SASH1: variants seen among roughly 807,000 people sequenced by gnomAD.
SASH1 encodes the protein SAM and SH3 domain-containing protein 1.
A neutral mutation model predicts 125.2 loss-of-function variants in SASH1; 44 were observed. The ratio of observed to expected loss-of-function variants is 0.35; its 90% confidence interval spans 0.28 to 0.45. The LOEUF is 0.45. SASH1 is among the 20% of genes least tolerant of loss of function. The probability of loss-of-function intolerance (pLI) is 1.00; values close to 1 mark genes in which losing one functional copy is unlikely to be tolerated. For missense variants in SASH1, 1,426 were observed against 1,614.5 expected (o/e 0.88, Z 2.00); for synonymous variants, 639 against 649.1 (o/e 0.98, Z 0.24).
chr6:148,375,067 T>G (rs1782839696), intron 1 of SASH1, among the ~76,000 whole-genome samples: 1 of 151,400 alleles, frequency 6.6e-6, no homozygotes, highest in South Asian at 2.1e-4. Flanking sequence ...GATAGCTCAC[T>G]GCAGCCTCAA....
Position 148,390,112 on chromosome 6 carries a change from CTTTG to C in SASH1, c.157-16_157-13del. 5 of 1,611,456 alleles carry C rather than the reference CTTTG, an allele frequency of 3.1e-6. No homozygotes were observed. Among genetic ancestry groups the C allele is most frequent in the East Asian group, 2.2e-5 (1 of 44,750 alleles). Reference sequence around the variant, plus strand: ...TTCCAGGGTGGACTGACCTGACCGCCTTTGTTTGTCCACCCCTTCAGGACGGTTC... The same window carrying C: ...TTCCAGGGTGGACTGACCTGACCGCCTTTGTCCACCCCTTCAGGACGGTTC... On this transcript the variant is annotated intron_variant, in intron 1 of 19. Transcript: ENST00000367467.
intron 1 of SASH1, among the ~76,000 whole-genome samples, chr6:148,305,641 A>G (rs181274160): frequency 2.4e-3 from 318 of 133,158 alleles, no homozygotes; most frequent in African/African-American, 4.9e-3. Context: ...AAAAAAAAAA[A>G]AAAGAAAGAA....
At chr6:148,294,157 T>G (rs897799899) in intron 1 of SASH1, among the ~76,000 whole-genome samples, 1 of 152,182 alleles carries the variant, frequency 6.6e-6, no homozygotes, top group African/African-American at 2.4e-5. Context: ...TAAAGAGGCG[T>G]GCTTGGATTT....
At chr6:148,430,005 C>A (rs1323596919) in intron 2 of SASH1, among the ~76,000 whole-genome samples, 1 of 152,198 alleles carries the variant, frequency 6.6e-6, no homozygotes, top group Non-Finnish European at 1.5e-5. Context: ...CCCATAGGTA[C>A]ATTTAATGAA....
At position 148,438,067 on chromosome 6, in the gene SASH1, G is replaced by A. The variant is rs555490133; in HGVS notation, c.286-2117G>A. On this transcript the variant is annotated intron_variant, in intron 2 of 19. Transcript: ENST00000367467. ...AAAAGGTAAAAATGGAGGAGGGGAG[G>A]TGAATTGAACCAGTCACTTTTGCTG... is the stretch of plus-strand genomic sequence containing the variant. 5.3e-5 allele frequency among the ~76,000 whole-genome samples: 8 copies of A among 152,222 alleles called. No individual in the cohort carries two copies. The East Asian group carries it at 1.5e-3, about 29-fold the overall frequency.
At chr6:148,430,893 G>GCC (rs1297802340) in intron 2 of SASH1, among the ~76,000 whole-genome samples, 3 of 152,210 alleles carry the variant, frequency 2.0e-5, no homozygotes, top group African/African-American at 7.2e-5. Context: ...ACCACTTATA[G>GCC]CCCTTTTAGA....
intron 2 of SASH1, among the ~76,000 whole-genome samples, chr6:148,421,240 A>G (rs867657672): frequency 5.3e-5 from 8 of 152,122 alleles, no homozygotes; most frequent in South Asian, 2.1e-4. Flanking sequence ...GGAAGTGACT[A>G]TGAACATCTT....
At chr6:148,489,506 A>G (rs1192268633) in intron 8 of SASH1, among the ~76,000 whole-genome samples, 1 of 152,178 alleles carries the variant, frequency 6.6e-6, no homozygotes, top group Admixed American at 6.5e-5. Context: ...TTTGAAAAAT[A>G]TATCGTTGGG....
the SASH1 span, among the ~76,000 whole-genome samples, chr6:148,232,690 T>C: frequency 6.6e-6 from 1 of 152,164 alleles, no homozygotes; most frequent in African/African-American, 2.4e-5. Context: ...AGCCAAAGAT[T>C]GTGAGGAAGG....
chr6:148,328,344 A>G (rs1780896957), intron 1 of SASH1, among the ~76,000 whole-genome samples: 1 of 152,206 alleles, frequency 6.6e-6, no homozygotes, highest in African/African-American at 2.4e-5. Flanking sequence ...CACGCCTGTA[A>G]TCCCAGCACT....
At chr6:148,345,398 A>G (rs1781490072) in intron 1 of SASH1, among the ~76,000 whole-genome samples, 1 of 152,210 alleles carries the variant, frequency 6.6e-6, no homozygotes, top group South Asian at 2.1e-4. Flanking sequence ...GAGCAAAGAA[A>G]ATATGTACTT....
intron 8 of SASH1, among the ~76,000 whole-genome samples, chr6:148,505,878 C>T (rs1268023739): frequency 1.3e-5 from 2 of 150,132 alleles, no homozygotes; most frequent in African/African-American, 4.9e-5. Context: ...CCTCGTGATC[C>T]GCCCACCTTG....
chr6:148,532,666 C>G lies in SASH1; in HGVS notation c.1565-131C>G, dbSNP rs965146601. 1.8e-5 allele frequency: 19 copies of G among 1,059,876 alleles called. No individual in the cohort carries two copies. Among genetic ancestry groups the G allele is most frequent in the Non-Finnish European group, 2.6e-5 (19 of 718,650 alleles). 65.7% of individuals were successfully genotyped at this position (1,059,876 alleles called of 1,614,324 possible). On this transcript the variant is annotated intron_variant, in intron 13 of 19. Transcript: ENST00000367467. This position sits in a 1 kb window ranked among gnomAD's most constrained non-coding sequence, Gnocchi z 4.7. ...TAACTGGGCCCTGCCCTGGTCCTGA[C>G]AGAGGGTTGTGGCTCAAGGCTTCCT...
the SASH1 span, among the ~76,000 whole-genome samples, chr6:148,243,094 T>G: frequency 2.0e-5 from 3 of 152,040 alleles, no homozygotes; most frequent in Non-Finnish European, 2.9e-5. Context: ...GACAGGCGAG[T>G]CACTTGAGGT....
At position 148,343,506 on chromosome 6, in the gene SASH1, C is replaced by T. The variant is rs1046238527; in HGVS notation, c.156+283C>T. ...TGCTGACATGTTGGTGTGGAAAAGG[C>T]GAGAAAGAGGCCTTCAAAAAGTAGA... On this transcript the variant is annotated intron_variant, in intron 1 of 19. Coordinates refer to ENST00000367467, the MANE Select transcript of SASH1 (RefSeq NM_015278.5). Among the ~76,000 whole-genome samples, 29 of 152,224 alleles carry T rather than the reference C, an allele frequency of 1.9e-4. 2 individuals carry two copies. Among genetic ancestry groups the T allele is most frequent in the Admixed American group, 1.6e-3 (24 of 15,290 alleles).
the SASH1 span, among the ~76,000 whole-genome samples, chr6:148,265,797 G>A: frequency 6.6e-6 from 1 of 152,054 alleles, no homozygotes; most frequent in Non-Finnish European, 1.5e-5. Context: ...CTCTGGAAAG[G>A]CAGGGTTAGT....
intron 2 of SASH1, among the ~76,000 whole-genome samples, chr6:148,398,627 C>G (rs2114859219): frequency 6.6e-6 from 1 of 152,268 alleles, no homozygotes; most frequent in East Asian, 1.9e-4. Flanking sequence ...CTGTGCCGCA[C>G]ACTATCCTGA....
the SASH1 span, among the ~76,000 whole-genome samples, chr6:148,211,609 G>C: frequency 1.3e-5 from 2 of 150,994 alleles, no homozygotes; most frequent in Middle Eastern, 3.2e-3. Context: ...GAAGGTACCA[G>C]TTATTTATTG....
At chr6:148,369,966 C>CAAAAAAAA (rs562924566) in intron 1 of SASH1, among the ~76,000 whole-genome samples, 174 of 93,454 alleles carry the variant, frequency 1.9e-3, no homozygotes, top group Middle Eastern at 0.012. Flanking sequence ...AAAAGAAAAA[C>CAAAAAAAA]AAAAAAAAAA....
Sources: gnomAD v4.1 joint callset for allele counts (sites outside exome capture counted in the v4.1 genomes callset) on GRCh38, gnomAD v4.1.1 for gene constraint, Gnocchi (gnomAD v3.1) non-coding constraint, MANE v1.5 for transcripts, NCBI Gene and HGNC (gene_info 2026-07-23, HGNC 2026-07-21) for gene names.